The following LPP variants were observed in gnomAD, a reference collection of about 807,000 sequenced individuals.
LPP encodes the protein lipoma-preferred partner.
In LPP, 38 loss-of-function variants were observed where a neutral mutation model predicts 60.4. The ratio of observed to expected loss-of-function variants is 0.63; its 90% CI spans 0.49 to 0.83. The LOEUF is 0.83. Ranked by LOEUF, LPP falls within the 40% of genes least tolerant of loss-of-function variation. The pLI is 0.00. For synonymous variants in LPP, 328 were observed against 290.8 expected (o/e 1.13, Z -1.30); for missense variants, 902 against 783.6 (o/e 1.15, Z -1.80).
intron 7 of LPP, among the ~76,000 whole-genome samples, chr3:188,697,529 C>T (rs569790935): frequency 6.6e-6 from 1 of 152,248 alleles, no homozygotes; most frequent in East Asian, 1.9e-4. Flanking sequence ...ATCTAGGTGC[C>T]TTATTTTTAT....
chr3:188,507,189 G>T (rs1813765205), intron 5 of LPP, among the ~76,000 whole-genome samples: 2 of 152,120 alleles, frequency 1.3e-5, no homozygotes, highest in Admixed American at 6.6e-5. Flanking sequence ...TGTGCAATAG[G>T]AATTCTCTGG....
intron 9 of LPP, among the ~76,000 whole-genome samples, chr3:188,811,386 G>GCA (rs144125693): frequency 8.2e-6 from 1 of 121,574 alleles, no homozygotes; most frequent in African/African-American, 3.1e-5. Flanking sequence ...ACACACACAC[G>GCA]CACACACGCT....
At chr3:188,450,701 C>T (rs575635536) in intron 4 of LPP, among the ~76,000 whole-genome samples, 28 of 150,572 alleles carry the variant, frequency 1.9e-4, no homozygotes, top group African/African-American at 5.1e-4. Context: ...GCCGAGATCA[C>T]GCCACTGCAC....
At chr3:188,432,527 G>T (rs1791170386) in intron 4 of LPP, among the ~76,000 whole-genome samples, 1 of 151,972 alleles carries the variant, frequency 6.6e-6, no homozygotes, top group Admixed American at 6.6e-5. Flanking sequence ...TTGTGTGTAT[G>T]CTATAGGTGA....
rs761791810 is a variant in LPP, at chr3:188,352,484, C to T, written c.-10+10765C>T. On this transcript the variant is annotated intron_variant, in intron 3 of 11. Transcript: ENST00000617246. This position sits in a 1 kb window ranked among gnomAD's most constrained non-coding sequence, Gnocchi z 4.4. ...TTCGGGAGCTGTGTGACTGGCGAGCCCTCAGTTGCCACTTGGAAACGGTTG... is the reference window on the plus strand; with the variant it reads ...TTCGGGAGCTGTGTGACTGGCGAGCTCTCAGTTGCCACTTGGAAACGGTTG... 1.3e-5 allele frequency among the ~76,000 whole-genome samples: 2 copies of T among 152,122 alleles called. No homozygotes were observed. The highest frequency in any genetic ancestry group is 2.9e-5 in the Non-Finnish European group (2 of 68,030).
At chr3:188,760,043 T>C in intron 8 of LPP, 70 bp from the exon 9 acceptor site, 1 of 1,394,274 alleles carries the variant, frequency 7.2e-7, no homozygotes, top group Non-Finnish European at 1.0e-6. Context: ...ACCTGCTTTC[T>C]CCTCCACTTT....
At chr3:188,536,265 TC>T (rs1560533518) in intron 6 of LPP, among the ~76,000 whole-genome samples, 3 of 152,130 alleles carry the variant, frequency 2.0e-5, no homozygotes. Flanking sequence ...CGCCTCGGCC[TC>T]CCAAAGTGCT....
intron 7 of LPP, among the ~76,000 whole-genome samples, chr3:188,673,994 G>C (rs1857474558): frequency 6.6e-6 from 1 of 151,086 alleles, no homozygotes; most frequent in Admixed American, 6.6e-5. Context: ...CCTTTGTAGT[G>C]TAGGGAAGAA....
intron 3 of LPP, among the ~76,000 whole-genome samples, chr3:188,404,822 C>T (rs1051944089): frequency 6.6e-6 from 1 of 152,130 alleles, no homozygotes; most frequent in Non-Finnish European, 1.5e-5. Context: ...GGGCTGGGGG[C>T]GCTTACAGGG....
chr3:188,658,700 T>G (rs1195863099), intron 7 of LPP, among the ~76,000 whole-genome samples: 3 of 152,202 alleles, frequency 2.0e-5, no homozygotes, highest in African/African-American at 7.2e-5. Context: ...GTTTAGAGCT[T>G]CCTACTCTGG....
Position 188,638,034 on chromosome 3 carries a change from T to C in LPP, c.1113+28190T>C, listed in dbSNP as rs1377386336. Among the ~76,000 whole-genome samples the C allele has an allele frequency of 2.0e-5, 3 of 150,586 alleles. No homozygotes were observed. In the East Asian group the frequency reaches 5.8e-4, roughly 29 times the overall value. Reference sequence around the variant, plus strand: ...TTTTATGAGGCCAGCATCATCCTGATACCAAAGCCTGGCAGAGACACAACC... The same window carrying C: ...TTTTATGAGGCCAGCATCATCCTGACACCAAAGCCTGGCAGAGACACAACC... On this transcript the variant is annotated intron_variant, in intron 7 of 11. Transcript: ENST00000617246.
rs140751676 is a variant in LPP, at chr3:188,862,712, C to CAAAAAAAAAAAAAAAAAAA, written c.1411-3481_1411-3480insAAAAAAAAAAAAAAAAAAA. Among the ~76,000 whole-genome samples, 43 of 55,530 alleles carry CAAAAAAAAAAAAAAAAAAA rather than the reference C, an allele frequency of 7.7e-4. 3 individuals carry two copies. The highest frequency in any genetic ancestry group is 4.3e-3 in the East Asian group (3 of 698). The allele number at this position is 55,530 out of a possible 152,430, so 36.4% of individuals were successfully genotyped here. ...TATCAATGCTGGCAACCCTACTAGA[C>CAAAAAAAAAAAAAAAAAAA]AAAAAAATAAATAAATAAATAAATA... On this transcript the variant is annotated intron_variant, in intron 9 of 11. Transcript: ENST00000617246.
At chr3:188,249,901 AT>A (rs372331542) in intron 2 of LPP, among the ~76,000 whole-genome samples, 2,635 of 87,772 alleles carry the variant, frequency 0.03, 69 homozygotes, top group African/African-American at 0.064. Context: ...ATATATATAT[AT>A]TTTTTTTTTT....
At chr3:188,728,319 A>G (rs557445094) in intron 8 of LPP, among the ~76,000 whole-genome samples, 6 of 152,304 alleles carry the variant, frequency 3.9e-5, no homozygotes, top group Admixed American at 3.3e-4. Context: ...ATCACTTTCT[A>G]AAGATTTTTA....
At chr3:188,469,579 C>T (rs1182885109) in intron 4 of LPP, among the ~76,000 whole-genome samples, 1 of 152,108 alleles carries the variant, frequency 6.6e-6, no homozygotes, top group Non-Finnish European at 1.5e-5. Flanking sequence ...TACCCCGAGG[C>T]TCCGTATGCA....
chr3:188,271,900 A>T (rs1294299170), intron 2 of LPP, among the ~76,000 whole-genome samples: 2 of 152,156 alleles, frequency 1.3e-5, no homozygotes, highest in African/African-American at 4.8e-5. Flanking sequence ...GTGGTTTAAG[A>T]GGCACCCATA....
intron 7 of LPP, among the ~76,000 whole-genome samples, chr3:188,620,370 A>G (rs1000771831): frequency 4.6e-5 from 7 of 152,142 alleles, no homozygotes; most frequent in South Asian, 4.1e-4. Context: ...TGAATTTAAT[A>G]TCTGTATCTA....
chr3:188,640,708 C>T (rs1330985099), intron 7 of LPP, among the ~76,000 whole-genome samples: 1 of 151,778 alleles, frequency 6.6e-6, no homozygotes, highest in Non-Finnish European at 1.5e-5. Context: ...TACCATATAG[C>T]TCTTTTGGAA....
At chr3:188,757,569 G>A (rs183923003) in intron 8 of LPP, among the ~76,000 whole-genome samples, 27 of 152,230 alleles carry the variant, frequency 1.8e-4, no homozygotes, top group Non-Finnish European at 2.9e-4. Context: ...TTTAGGGGAC[G>A]GGGGGAAGTG....
Sources: allele counts gnomAD v4.1 joint callset (sites outside exome capture counted in the v4.1 genomes callset), GRCh38; gene constraint gnomAD v4.1.1; non-coding constraint Gnocchi (gnomAD v3.1); transcripts MANE v1.5; gene names NCBI Gene and HGNC (gene_info 2026-07-23, HGNC 2026-07-21).